The following ZNF175 variants were observed in gnomAD, a reference collection of about 807,000 sequenced individuals.
ZNF175 encodes the protein zinc finger protein OTK18.
A neutral mutation model predicts 14.0 loss-of-function variants in ZNF175; 8 were observed. The ratio of observed to expected loss-of-function variants is 0.57; its 90% CI spans 0.34 to 1.03. The LOEUF (loss-of-function observed/expected upper bound fraction) is 1.03, where lower values mean the gene tolerates loss of function less well. Among genes scored for constraint, ZNF175 ranks in the 50% least tolerant of loss-of-function variants. The pLI is 0.03. For synonymous variants in ZNF175, 255 were observed against 296.8 expected, an observed-to-expected ratio of 0.86 and a Z score of 1.45; for missense variants, 764 against 849.5, an observed-to-expected ratio of 0.90 and a Z score of 1.25.
chr19:51,578,393 T>TC (rs368723889), intron 2 of ZNF175, among the ~76,000 whole-genome samples: 29 of 78,948 alleles, frequency 3.7e-4, no homozygotes, highest in African/African-American at 1.4e-3. Context: ...AGAGTGAAAC[T>TC]CCATCTCAAA....
chr19:51,582,797 G>A (rs1982055393), intron 4 of ZNF175, among the ~76,000 whole-genome samples: 1 of 151,828 alleles, frequency 6.6e-6, no homozygotes, highest in Non-Finnish European at 1.5e-5. Flanking sequence ...TGGATCTGCT[G>A]TCTTCTTTTC....
At chr19:51,578,460 A>G (rs1018745581) in intron 2 of ZNF175, among the ~76,000 whole-genome samples, 1 of 151,798 alleles carries the variant, frequency 6.6e-6, no homozygotes, top group African/African-American at 2.4e-5. Context: ...ACAGCTGACA[A>G]AAGGTTCCTA....
At chr19:51,582,778 T>C (rs948789717) in intron 4 of ZNF175, among the ~76,000 whole-genome samples, 5 of 152,160 alleles carry the variant, frequency 3.3e-5, no homozygotes, top group Non-Finnish European at 5.9e-5. Flanking sequence ...TTTATTTTCT[T>C]TTCTTTGCTG....
chr19:51,581,756 A>C (rs1338929381), intron 3 of ZNF175, 31 bp from the exon 4 acceptor site: 1 of 1,609,044 alleles, frequency 6.2e-7, no homozygotes, highest in Non-Finnish European at 8.5e-7. Context: ...AAGAAGCTAC[A>C]CCCAAATCCA....
intron 2 of ZNF175, among the ~76,000 whole-genome samples, chr19:51,577,981 C>T (rs2122564269): frequency 6.6e-6 from 1 of 151,964 alleles, no homozygotes; most frequent in South Asian, 2.1e-4. Context: ...TCTCTTTTGT[C>T]CCTGATTTGT....
In ZNF175 at chr19:51,587,166, G is replaced by C. The variant is rs147474837; in HGVS notation, c.835G>C (p.Asp279His). ...TCAAATTCATACTCAGAAGAAACCA[G>C]ATGGATGTTCTGAATGTGGGGGGAG... ...QHQIHTQKKP[D>H]GCSECGGSFT... is the part of the protein sequence containing the mutation. Residue 279 changes from aspartate (D) to histidine (H), a missense_variant, in exon 5 of 5, where the codon GAT becomes CAT. Transcript: ENST00000262259. 128 of 1,614,178 alleles carry C rather than the reference G, an allele frequency of 7.9e-5. No individual in the cohort carries two copies. In the African/African-American group the frequency reaches 1.5e-3, roughly 18 times the overall value.
chr19:51,585,016 C>T (rs1490231108), intron 4 of ZNF175, among the ~76,000 whole-genome samples: 1 of 152,196 alleles, frequency 6.6e-6, no homozygotes, highest in Non-Finnish European at 1.5e-5. Context: ...AGGACCCAAA[C>T]AGCTGTTTGT....
chr19:51,585,171 T>C (rs1052774611), intron 4 of ZNF175, among the ~76,000 whole-genome samples: 4 of 152,244 alleles, frequency 2.6e-5, no homozygotes, highest in African/African-American at 9.6e-5. Flanking sequence ...TGAAACATGT[T>C]GCAGTGCGGA....
chr19:51,586,856 T>C lies in ZNF175; in HGVS notation c.525T>C (p.Tyr175=), dbSNP rs201371204. The C allele has an allele frequency of 6.8e-5, 110 of 1,614,064 alleles. No homozygotes were observed. Among genetic ancestry groups the C allele is most frequent in the Non-Finnish European group, 8.6e-5 (101 of 1,180,020 alleles). Residue 175 remains tyrosine, a synonymous_variant, in exon 5 of 5, where the codon TAT becomes TAC. Transcript: ENST00000262259. The part of the protein sequence containing the change: ...KTLNTESNCE[Y]KDPGKMIRTR... ...TGAACACAGAAAGCAATTGTGAATATAAGGACCCTGGGAAAATGATTCGCA... is the reference window on the plus strand; with the variant it reads ...TGAACACAGAAAGCAATTGTGAATACAAGGACCCTGGGAAAATGATTCGCA...
At chr19:51,581,959 C>T (rs1296760106) in intron 4 of ZNF175, 77 bp downstream of exon 4, 15 of 1,354,512 alleles carry the variant, frequency 1.1e-5, no homozygotes, top group African/African-American at 2.9e-5. Flanking sequence ...TTTCTATTCC[C>T]TCCATTCCCC....
chr19:51,586,828 C>G lies in ZNF175; in HGVS notation c.497C>G (p.Thr166Arg). 1 of 1,614,118 alleles carries G rather than the reference C, an allele frequency of 6.2e-7. No homozygotes were observed. Among genetic ancestry groups the G allele is most frequent in the Non-Finnish European group, 8.5e-7 (1 of 1,179,984 alleles). Residue 166 changes from threonine to arginine, a missense_variant, in exon 5 of 5, where the codon ACA (threonine) becomes AGA (arginine). By Grantham distance (71) the Thr-to-Arg change is moderately conservative (BLOSUM62 -1). Coordinates refer to ENST00000262259, the MANE Select transcript of ZNF175 (RefSeq NM_007147.4). ...MSHSAFFNKK[T>R]LNTESNCEYK... ...CACAGTGCTTTCTTCAACAAGAAAA[C>G]ATTGAACACAGAAAGCAATTGTGAA...
Position 51,586,730 on chromosome 19 carries a change from C to T in ZNF175, c.399C>T (p.Ser133=). The stretch of plus-strand genomic sequence containing the variant: ...TCACAAGAGATGGTTCATGGTGTTC[C>T]ATTTTAGAAGAACTGAGGCTGGATG... ...GEFTRDGSWC[S]ILEELRLDAD... The change falls in exon 5 of 5, where the codon TCC becomes TCT. Residue 133 remains serine, a synonymous_variant. Coordinates refer to ENST00000262259, the MANE Select transcript of ZNF175 (RefSeq NM_007147.4). The T allele has an allele frequency of 1.2e-6, 2 of 1,614,142 alleles. No homozygotes were observed. Among genetic ancestry groups the T allele is most frequent in the Non-Finnish European group, 1.7e-6 (2 of 1,180,014 alleles).
chr19:51,587,808 C>T lies in ZNF175; in HGVS notation c.1477C>T (p.His493Tyr). The T allele has an allele frequency of 1.4e-5, 23 of 1,614,172 alleles. No individual in the cohort carries two copies. Among genetic ancestry groups the T allele is most frequent in the Non-Finnish European group, 1.9e-5 (23 of 1,180,016 alleles). Residue 493 changes from histidine (H) to tyrosine (Y), a missense_variant, in exon 5 of 5, where the codon CAT becomes TAT. Physicochemically the swap from His to Tyr is moderately conservative, Grantham distance 83. Coordinates refer to ENST00000262259, the MANE Select transcript of ZNF175 (RefSeq NM_007147.4). The stretch of plus-strand genomic sequence containing the variant: ...CATTTCCAAGTCACAGCTTGATATA[C>T]ATCATCGAATTCATACAGGGGAGAA... ...SFISKSQLDI[H>Y]HRIHTGEKPY...
At chr19:51,578,905 T>C (rs1174958252) in intron 2 of ZNF175, among the ~76,000 whole-genome samples, 1 of 152,040 alleles carries the variant, frequency 6.6e-6, no homozygotes, top group Non-Finnish European at 1.5e-5. Context: ...TCGTGTGAGC[T>C]CATGAGTTTG....
Position 51,587,229 on chromosome 19 carries a change from AT to A in ZNF175, c.900del (p.His301IlefsTer3). 2.5e-6 allele frequency: 4 copies of A among 1,614,214 alleles called. No individual in the cohort carries two copies. The highest frequency in any genetic ancestry group is 3.4e-6 in the Non-Finnish European group (4 of 1,180,030). On this transcript the variant is annotated frameshift_variant, in exon 5 of 5. Coordinates refer to ENST00000262259, the MANE Select transcript of ZNF175 (RefSeq NM_007147.4). LOFTEE classifies it low-confidence loss of function (END_TRUNC). ...GTCACACCTCTTTGCCCAACAGAGAATTCATAGTGTAGGAAACCTCCATGAA... is the reference window on the plus strand; with the variant it reads ...GTCACACCTCTTTGCCCAACAGAGAATCATAGTGTAGGAAACCTCCATGAA... ...QKSHLFAQQRIHSVGNLHECG... is the reference protein window; with the variant it reads ...QKSHLFAQQRXHSVGNLHECG...
chr19:51,586,676 T>G lies in ZNF175; in HGVS notation c.345T>G (p.Ala115=). Residue 115 remains alanine, a synonymous_variant, in exon 5 of 5, where the codon GCT becomes GCG. Coordinates refer to ENST00000262259, the MANE Select transcript of ZNF175 (RefSeq NM_007147.4). ...EIPQKEISKK[A]SFQKDMVGEF... ...CACAAAAGGAGATTTCTAAGAAAGCTTCATTTCAAAAGGATATGGTAGGTG... is the reference window on the plus strand; with the variant it reads ...CACAAAAGGAGATTTCTAAGAAAGCGTCATTTCAAAAGGATATGGTAGGTG... 1.2e-6 allele frequency: 2 copies of G among 1,604,552 alleles called. No individual in the cohort carries two copies. The highest frequency in any genetic ancestry group is 1.7e-6 in the Non-Finnish European group (2 of 1,176,472).
At chr19:51,574,039 T>C (rs1370750044) in intron 2 of ZNF175, 1 of 152,294 alleles carries the variant, frequency 6.6e-6, no homozygotes, top group Non-Finnish European at 1.5e-5. Context: ...CCTGAAATCC[T>C]AAATTATTCT....
In ZNF175 at chr19:51,587,658, G is replaced by C. The variant is rs1460987871; in HGVS notation, c.1327G>C (p.Gly443Arg). 4 of 1,613,942 alleles carry C rather than the reference G, an allele frequency of 2.5e-6. No homozygotes were observed. The East Asian group carries it at 8.9e-5, about 36-fold the overall frequency. The change falls in exon 5 of 5, where the codon GGG (glycine) becomes CGG (arginine). Residue 443 changes from glycine (G) to arginine (R), a missense_variant. Transcript: ENST00000262259. ...TLSLHQRIHSGQKSYVCIECG... is the reference protein window; with the variant it reads ...TLSLHQRIHSRQKSYVCIECG... ...CAGCTTGCACCAGAGAATCCACTCA[G>C]GGCAGAAGTCCTATGTGTGTATCGA...
rs1982166739 is a variant in ZNF175 at position 51,586,520 on chromosome 19, T to C, written c.296-107T>C. On this transcript the variant is annotated intron_variant, in intron 4 of 4. Coordinates refer to ENST00000262259, the MANE Select transcript of ZNF175 (RefSeq NM_007147.4). ...TCATTGTCAGCATCATTAGCAGCAT[T>C]ATTACATGACTCAGCAATTTCCTTG... The C allele has an allele frequency of 2.7e-6, 3 of 1,097,792 alleles. No individual in the cohort carries two copies. In the East Asian group the frequency reaches 7.6e-5, roughly 28 times the overall value. The allele number at this position is 1,097,792 out of a possible 1,614,324, so 68.0% of individuals were successfully genotyped here.
Sources: gnomAD v4.1 joint callset for allele counts (sites outside exome capture counted in the v4.1 genomes callset) on GRCh38, gnomAD v4.1.1 for gene constraint, MANE v1.5 for transcripts, NCBI Gene and HGNC (gene_info 2026-07-23, HGNC 2026-07-21) for gene names.